TMEM108: variants seen among roughly 807,000 people sequenced by gnomAD.
TMEM108 encodes cancer/testis antigen 124.
TMEM108 carries 12 observed loss-of-function variants against 35.1 expected under a neutral mutation model. The ratio of observed to expected loss-of-function variants is 0.34; its 90% confidence interval spans 0.22 to 0.55. TMEM108 has a LOEUF of 0.55. Among genes scored for constraint, TMEM108 ranks in the 20% least tolerant of loss-of-function variants. The probability of loss-of-function intolerance (pLI) is 0.89; values close to 1 mark genes in which losing one functional copy is unlikely to be tolerated. For missense variants in TMEM108, 680 were observed against 753.3 expected (o/e 0.90, Z 1.14); for synonymous variants, 287 against 308.6 (o/e 0.93, Z 0.73).
intron 2 of TMEM108, among the ~76,000 whole-genome samples, chr3:133,217,280 T>G (rs1945922968): frequency 6.6e-6 from 1 of 152,132 alleles, no homozygotes; most frequent in Admixed American, 6.5e-5. Context: ...TTAATCTGGT[T>G]GTTTTCTTAC....
chr3:133,215,185 C>T (rs1377260216), intron 2 of TMEM108, among the ~76,000 whole-genome samples: 3 of 152,050 alleles, frequency 2.0e-5, no homozygotes, highest in African/African-American at 7.2e-5. Flanking sequence ...TGTTGATTCA[C>T]TAACATTGAG....
chr3:133,326,221 C>A (rs1001431823), intron 3 of TMEM108, among the ~76,000 whole-genome samples: 27 of 152,178 alleles, frequency 1.8e-4, no homozygotes, highest in African/African-American at 6.5e-4. Context: ...TGGGCACACA[C>A]CCCAGTCTAA....
chr3:133,387,095 C>T (rs2073163474), intron 4 of TMEM108: 4 of 985,364 alleles, frequency 4.1e-6, no homozygotes, highest in Non-Finnish European at 4.8e-6. Flanking sequence ...GAGCTTTGTC[C>T]TTGAGCCACC....
intron 2 of TMEM108, among the ~76,000 whole-genome samples, chr3:133,167,216 A>G (rs1246423461): frequency 1.3e-5 from 2 of 152,202 alleles, no homozygotes; most frequent in Non-Finnish European, 2.9e-5. Flanking sequence ...TCTGTTTACA[A>G]AACTTGAGCT....
intron 2 of TMEM108, among the ~76,000 whole-genome samples, chr3:133,071,754 T>C (rs959057038): frequency 6.6e-6 from 1 of 152,194 alleles, no homozygotes; most frequent in Non-Finnish European, 1.5e-5. Flanking sequence ...ATCAGACATA[T>C]AATTTTCAAA....
intron 2 of TMEM108, among the ~76,000 whole-genome samples, chr3:133,187,692 G>C (rs941845805): frequency 1.3e-5 from 2 of 152,096 alleles, no homozygotes; most frequent in African/African-American, 4.8e-5. Flanking sequence ...AGAGATTGTA[G>C]TGAGCCAAGG....
intron 2 of TMEM108, among the ~76,000 whole-genome samples, chr3:133,094,998 G>A (rs1040802498): frequency 6.6e-6 from 1 of 152,120 alleles, no homozygotes; most frequent in Non-Finnish European, 1.5e-5. Flanking sequence ...TTAATTAATT[G>A]TATTCCCACT....
rs574524346 is a variant in TMEM108 at position 133,067,865 on chromosome 3, A to C, written c.-47+21845A>C. Among the ~76,000 whole-genome samples, 8 of 152,214 alleles carry C rather than the reference A, an allele frequency of 5.3e-5. 1 individual carries two copies. In the South Asian group the frequency reaches 1.7e-3, roughly 32 times the overall value. On this transcript the variant is annotated intron_variant, in intron 2 of 5. Transcript: ENST00000321871. Reference sequence around the variant, plus strand: ...TAAGGAACAGAAGTTTACTTGTCTCACAGTTCTAAAAACTAGAAGGTTAAT... The same window carrying C: ...TAAGGAACAGAAGTTTACTTGTCTCCCAGTTCTAAAAACTAGAAGGTTAAT...
At chr3:133,109,830 A>C (rs910846407) in intron 2 of TMEM108, among the ~76,000 whole-genome samples, 1 of 152,200 alleles carries the variant, frequency 6.6e-6, no homozygotes, top group Non-Finnish European at 1.5e-5. Context: ...TTTGTAGCAT[A>C]TTCTTAACGT....
At chr3:133,286,069 T>C (rs771019005) in intron 3 of TMEM108, among the ~76,000 whole-genome samples, 4 of 152,240 alleles carry the variant, frequency 2.6e-5, no homozygotes, top group Non-Finnish European at 5.9e-5. Flanking sequence ...TTTGGTCACT[T>C]GTGTGACAGA....
At chr3:133,132,917 A>G (rs1366826466) in intron 2 of TMEM108, among the ~76,000 whole-genome samples, 2 of 152,186 alleles carry the variant, frequency 1.3e-5, no homozygotes, top group East Asian at 1.9e-4. Flanking sequence ...TTAAGACTTC[A>G]GTGGAGGAAG....
In TMEM108 at chr3:133,049,187, G is replaced by A. The variant is rs1354408607; in HGVS notation, c.-47+3167G>A. 3.9e-5 allele frequency among the ~76,000 whole-genome samples: 6 copies of A among 152,176 alleles called. No homozygotes were observed. In the South Asian group the frequency reaches 1.2e-3, roughly 32 times the overall value. ...GTCAGAACATATATAAGCTTTTCTTGTGATAACCTCTTGGATAATTTTCTC... is the reference window on the plus strand; with the variant it reads ...GTCAGAACATATATAAGCTTTTCTTATGATAACCTCTTGGATAATTTTCTC... On this transcript the variant is annotated intron_variant, in intron 2 of 5. Transcript: ENST00000321871.
intron 3 of TMEM108, among the ~76,000 whole-genome samples, chr3:133,240,677 T>A (rs1946300569): frequency 6.6e-6 from 1 of 152,334 alleles, no homozygotes; most frequent in Admixed American, 6.5e-5. Context: ...TCATGTTGTC[T>A]CTTACTAGCT....
chr3:133,253,883 A>G (rs1345760598), intron 3 of TMEM108, among the ~76,000 whole-genome samples: 1 of 152,256 alleles, frequency 6.6e-6, no homozygotes, highest in Admixed American at 6.5e-5. Context: ...GAAAAAGATA[A>G]CATGCCTGAT....
In TMEM108 at chr3:133,141,797, G is replaced by A. The variant is rs143873508; in HGVS notation, c.-46-87469G>A. Among the ~76,000 whole-genome samples the A allele has an allele frequency of 7.2e-3, 1,099 of 152,238 alleles. 14 individuals carry two copies. Among genetic ancestry groups the A allele is most frequent in the African/African-American group, 0.025 (1,047 of 41,528 alleles). ...CTATTAATAAAAAGAAAGGACCTTG[G>A]GTTAGTGGACATGACCCTGGAATGG... On this transcript the variant is annotated intron_variant, in intron 2 of 5. Coordinates refer to ENST00000321871, the MANE Select transcript of TMEM108 (RefSeq NM_023943.4).
intron 2 of TMEM108, among the ~76,000 whole-genome samples, chr3:133,168,862 A>G (rs976211446): frequency 6.6e-6 from 1 of 152,154 alleles, no homozygotes; most frequent in Non-Finnish European, 1.5e-5. Flanking sequence ...GGCCAGCGAG[A>G]CCACAAACCC....
chr3:133,274,829 C>T (rs1055975001), intron 3 of TMEM108, among the ~76,000 whole-genome samples: 10 of 152,312 alleles, frequency 6.6e-5, no homozygotes, highest in Admixed American at 5.9e-4. Context: ...GGGGGTTAGA[C>T]ACATTCCCTA....
At chr3:133,190,403 G>A (rs549267512) in intron 2 of TMEM108, among the ~76,000 whole-genome samples, 1 of 152,316 alleles carries the variant, frequency 6.6e-6, no homozygotes, top group African/African-American at 2.4e-5. Context: ...TTCAAGGGTA[G>A]AAGAATAAGA....
At chr3:133,270,798 C>A (rs1301937155) in intron 3 of TMEM108, among the ~76,000 whole-genome samples, 3 of 88,782 alleles carry the variant, frequency 3.4e-5, no homozygotes, top group Non-Finnish European at 6.1e-5. Context: ...AGAATGTACA[C>A]ACACACACAC....
Sources: allele counts gnomAD v4.1 joint callset (sites outside exome capture counted in the v4.1 genomes callset), GRCh38; gene constraint gnomAD v4.1.1; transcripts MANE v1.5; gene names NCBI Gene and HGNC (gene_info 2026-07-23, HGNC 2026-07-21).